The following ADAMTS20 variants were observed in gnomAD, a reference collection of about 807,000 sequenced individuals.
The protein encoded by ADAMTS20 is ADAM metallopeptidase with thrombospondin type 1 motif 20.
Under a neutral mutation model 260.1 loss-of-function variants are expected in ADAMTS20, and 225 were observed. The observed-to-expected ratio is 0.87, with a 90% confidence interval of 0.78 to 0.97. The LOEUF is 0.97. ADAMTS20 is among the 50% of genes least tolerant of loss of function. The probability of loss-of-function intolerance (pLI) is 0.00; values close to 1 mark genes in which losing one functional copy is unlikely to be tolerated. For missense variants in ADAMTS20, 2,400 were observed against 2,337.7 expected, an observed-to-expected ratio of 1.03 and a Z score of -0.55; for synonymous variants, 802 against 769.5, an observed-to-expected ratio of 1.04 and a Z score of -0.70.
At position 43,432,364 on chromosome 12, in the gene ADAMTS20, C is replaced by G. The variant is rs1346353872; in HGVS notation, c.3036G>C (p.Val1012=). The G allele has an allele frequency of 6.2e-7, 1 of 1,613,834 alleles. No individual in the cohort carries two copies. Among genetic ancestry groups the G allele is most frequent in the South Asian group, 1.1e-5 (1 of 91,074 alleles). The change falls in exon 21 of 39, where the codon GTG becomes GTC. Residue 1012 remains valine (V), a synonymous_variant. Transcript: ENST00000389420. Reference sequence around the variant, plus strand: ...AAAATTCATTGCAATTCTCTCTCGTCACTCGGGACAGTTCTTGGCATTCAT... The same window carrying G: ...AAAATTCATTGCAATTCTCTCTCGTGACTCGGGACAGTTCTTGGCATTCAT... The part of the protein sequence containing the change: ...ADNECQELSR[V]TRENCNEFSC...
In ADAMTS20 at chr12:43,502,400, G is replaced by T; in HGVS notation, c.619C>A (p.Gln207Lys). 1.3e-6 allele frequency: 2 copies of T among 1,578,732 alleles called. No homozygotes were observed. The highest frequency in any genetic ancestry group is 2.4e-5 in the South Asian group (2 of 83,058). Residue 207 changes from glutamine to lysine, a missense_variant, in exon 4 of 39, where the codon CAA becomes AAA. By Grantham distance (53) the Gln-to-Lys change is moderately conservative. Transcript: ENST00000389420. ...AAGGGTAAACTGGTTTCCTTTATTT[G>T]ACTTTCTAGGGAGAAAAAAAGAATA... ...TLKYCSVSES[Q>K]IKETSLPFHT...
intron 3 of ADAMTS20, among the ~76,000 whole-genome samples, chr12:43,519,707 A>G (rs984068615): frequency 1.3e-5 from 2 of 152,126 alleles, no homozygotes; most frequent in Non-Finnish European, 2.9e-5. Flanking sequence ...CTTTTCATTT[A>G]TTCACTCTAT....
At chr12:43,358,607 G>C in intron 37 of ADAMTS20, among the ~76,000 whole-genome samples, 1 of 151,894 alleles carries the variant, frequency 6.6e-6, no homozygotes, top group East Asian at 1.9e-4. Flanking sequence ...GGGAGGCCGA[G>C]ACGGGCGGAT....
At chr12:43,547,381 G>T (rs759741023) in intron 2 of ADAMTS20, among the ~76,000 whole-genome samples, 2 of 152,108 alleles carry the variant, frequency 1.3e-5, no homozygotes, top group East Asian at 1.9e-4. Flanking sequence ...TGGAGGCAAA[G>T]AAAACAGATG....
rs573061212 is a variant in ADAMTS20 at position 43,454,372 on chromosome 12, A to G, written c.1615-320T>C. Among the ~76,000 whole-genome samples, 3 of 152,276 alleles carry G rather than the reference A, an allele frequency of 2.0e-5. No homozygotes were observed. In the South Asian group the frequency reaches 6.2e-4, roughly 32 times the overall value. ...AAACCAAATACCAGGTTAATATGGT[A>G]TATTTCCATCCTTCCATTTTTTTAC... On this transcript the variant is annotated intron_variant, in intron 11 of 38. Coordinates refer to ENST00000389420, the MANE Select transcript of ADAMTS20 (RefSeq NM_025003.5).
chr12:43,449,031 T>C (rs1252407801), intron 14 of ADAMTS20, among the ~76,000 whole-genome samples: 1 of 152,170 alleles, frequency 6.6e-6, no homozygotes, highest in Non-Finnish European at 1.5e-5. Flanking sequence ...TATACACCGT[T>C]GGTGGGAGTG....
chr12:43,442,915 C>T (rs1941694604), intron 16 of ADAMTS20, among the ~76,000 whole-genome samples: 1 of 152,182 alleles, frequency 6.6e-6, no homozygotes, highest in South Asian at 2.1e-4. Flanking sequence ...AAAACCTGTT[C>T]ACCCCAGAAG....
At chr12:43,369,831 T>C (rs771068249) in intron 36 of ADAMTS20, among the ~76,000 whole-genome samples, 38 of 152,178 alleles carry the variant, frequency 2.5e-4, no homozygotes, top group Non-Finnish European at 4.0e-4. Context: ...CACAAAAAAG[T>C]ATGCCATTTT....
chr12:43,490,353 A>T, intron 7 of ADAMTS20, 42 bp downstream of exon 7: 1 of 1,020,356 alleles, frequency 9.8e-7, no homozygotes, highest in Non-Finnish European at 1.4e-6. Flanking sequence ...ATAATTCAAT[A>T]AACAATTACA....
At chr12:43,501,663 A>G (rs1420746286) in intron 4 of ADAMTS20, among the ~76,000 whole-genome samples, 1 of 152,130 alleles carries the variant, frequency 6.6e-6, no homozygotes, top group Non-Finnish European at 1.5e-5. Flanking sequence ...CAAATTTGTT[A>G]GGACTGTTGC....
intron 36 of ADAMTS20, among the ~76,000 whole-genome samples, chr12:43,373,964 T>C (rs893030953): frequency 5.3e-5 from 8 of 151,568 alleles, no homozygotes; most frequent in South Asian, 2.1e-4. Context: ...CAGGCGTGAG[T>C]CACCGCGCCC....
chr12:43,468,755 A>C (rs745492727), intron 7 of ADAMTS20, 50 bp from the exon 8 acceptor site: 44 of 1,050,514 alleles, frequency 4.2e-5, no homozygotes, highest in Non-Finnish European at 6.2e-5. Context: ...CACTACCAAA[A>C]TCATAAAGAA....
Position 43,472,333 on chromosome 12 carries a change from A to G in ADAMTS20, c.1118-3628T>C, listed in dbSNP as rs867760997. On this transcript the variant is annotated intron_variant, in intron 7 of 38. Transcript: ENST00000389420. Reference sequence around the variant, plus strand: ...CAAAGCCTCCAAGAAATATGGGACTATGTGAAAAGACCAAATCTACGTCTG... The same window carrying G: ...CAAAGCCTCCAAGAAATATGGGACTGTGTGAAAAGACCAAATCTACGTCTG... 3.2e-3 allele frequency among the ~76,000 whole-genome samples: 486 copies of G among 151,618 alleles called. 4 individuals are homozygous for G. The highest frequency in any genetic ancestry group is 0.011 in the African/African-American group (458 of 41,240).
chr12:43,462,294 T>G (rs1942077437), intron 11 of ADAMTS20, among the ~76,000 whole-genome samples: 1 of 152,256 alleles, frequency 6.6e-6, no homozygotes, highest in African/African-American at 2.4e-5. Flanking sequence ...GAGGCCATCC[T>G]GGAGCACAAA....
intron 7 of ADAMTS20, among the ~76,000 whole-genome samples, chr12:43,479,187 G>T (rs1942405170): frequency 6.6e-6 from 1 of 152,104 alleles, no homozygotes. Flanking sequence ...AGTTGTAAAA[G>T]GTTCTATTCA....
At chr12:43,465,537 C>A (rs1228919963) in intron 9 of ADAMTS20, among the ~76,000 whole-genome samples, 3 of 152,080 alleles carry the variant, frequency 2.0e-5, no homozygotes, top group Admixed American at 6.5e-5. Flanking sequence ...CTAAGAGCAA[C>A]AATTTGTCCC....
chr12:43,391,211 A>C (rs1330919374), intron 29 of ADAMTS20, among the ~76,000 whole-genome samples: 1 of 152,212 alleles, frequency 6.6e-6, no homozygotes, highest in Non-Finnish European at 1.5e-5. Flanking sequence ...TAAGAGAACT[A>C]ATTCCAACAA....
Position 43,492,578 on chromosome 12 carries a change from A to G in ADAMTS20, c.1003T>C (p.Ser335Pro). The change falls in exon 6 of 39, where the codon TCA becomes CCA. Residue 335 changes from serine to proline, a missense_variant. Physicochemically the swap from Ser to Pro is moderately conservative, Grantham distance 74. Coordinates refer to ENST00000389420, the MANE Select transcript of ADAMTS20 (RefSeq NM_025003.5). ...AGGTCATTCTGAGTTTGTTGCCATG[A>G]ACAAAAGTTCTTTAATGTGGTAGCA... ...DGATTLKNFC[S>P]WQQTQNDLDD... 6.2e-7 allele frequency: 1 copy of G among 1,613,852 alleles called. No individual in the cohort carries two copies. The highest frequency in any genetic ancestry group is 8.5e-7 in the Non-Finnish European group (1 of 1,179,832).
intron 8 of ADAMTS20, among the ~76,000 whole-genome samples, chr12:43,468,049 C>T (rs536632572): frequency 5.1e-4 from 78 of 152,234 alleles, no homozygotes; most frequent in Non-Finnish European, 9.1e-4. Context: ...TCTTACAACA[C>T]AGAACCCCAG....
Sources: allele counts gnomAD v4.1 joint callset (sites outside exome capture counted in the v4.1 genomes callset), GRCh38; gene constraint gnomAD v4.1.1; transcripts MANE v1.5; gene names NCBI Gene and HGNC (gene_info 2026-07-23, HGNC 2026-07-21).